The following GRIN2A variants were observed in gnomAD, a reference collection of about 807,000 sequenced individuals.
GRIN2A encodes the protein glutamate ionotropic receptor NMDA type subunit 2A, also known as glutamate receptor ionotropic, NMDA 2A.
Under a neutral mutation model 113.4 loss-of-function variants are expected in GRIN2A, and 22 were observed. The observed-to-expected ratio is 0.19, with a 90% CI of 0.14 to 0.28. The LOEUF (loss-of-function observed/expected upper bound fraction) is 0.28. GRIN2A is among the 10% of genes least tolerant of loss of function. The pLI is 1.00. For missense variants in GRIN2A, 1,502 were observed against 1,887.0 expected (o/e 0.80, Z 3.78); for synonymous variants, 827 against 738.4 (o/e 1.12, Z -1.94).
chr16:10,173,028 C>T (rs1048402064), intron 2 of GRIN2A, among the ~76,000 whole-genome samples: 13 of 152,314 alleles, frequency 8.5e-5, no homozygotes, highest in Middle Eastern at 3.4e-3. Flanking sequence ...CACCAGACCA[C>T]AGCTCTTCAG....
chr16:10,123,353 G>A (rs978817025), intron 2 of GRIN2A, among the ~76,000 whole-genome samples: 1 of 151,960 alleles, frequency 6.6e-6, no homozygotes, highest in Non-Finnish European at 1.5e-5. Context: ...TTAAAGCCTT[G>A]GATCAACTAT....
intron 2 of GRIN2A, among the ~76,000 whole-genome samples, chr16:9,994,295 T>A (rs2046181481): frequency 6.6e-6 from 1 of 152,134 alleles, no homozygotes; most frequent in African/African-American, 2.4e-5. Context: ...TTTCAAGGGG[T>A]GACCTGGGTT....
At position 9,960,945 on chromosome 16, in the gene GRIN2A, T is replaced by G. The variant is rs557956266; in HGVS notation, c.415-22394A>C. Among the ~76,000 whole-genome samples, 8 of 152,304 alleles carry G rather than the reference T, an allele frequency of 5.3e-5. No homozygotes were observed. In the East Asian group the frequency reaches 1.5e-3, roughly 29 times the overall value. On this transcript the variant is annotated intron_variant, in intron 2 of 12. Transcript: ENST00000330684. ...CCAGCTGTAATTTTCTTAGTCTCAATTTCCTGAGTTATACACTTGAGCTAA... is the reference window on the plus strand; with the variant it reads ...CCAGCTGTAATTTTCTTAGTCTCAAGTTCCTGAGTTATACACTTGAGCTAA...
chr16:10,096,182 G>C (rs1481965895), intron 2 of GRIN2A, among the ~76,000 whole-genome samples: 1 of 152,164 alleles, frequency 6.6e-6, no homozygotes, highest in Admixed American at 6.5e-5. Flanking sequence ...TTCTATGTTT[G>C]TTTTTTAGGC....
Position 9,938,384 on chromosome 16 carries a change from G to A in GRIN2A, c.582C>T (p.Ser194=), listed in dbSNP as rs2044767721. Residue 194 remains serine, a synonymous_variant, in exon 3 of 13, where the codon AGC becomes AGT. Transcript: ENST00000330684. ...CATTCTGCATGTCCCAGCCCACAAA[G>A]CTGTTGTCCACTGTGGTCTTGACGA... The part of the protein sequence containing the change: ...ISFVKTTVDN[S]FVGWDMQNVI... 6.2e-7 allele frequency: 1 copy of A among 1,614,132 alleles called. No individual in the cohort carries two copies. The highest frequency in any genetic ancestry group is 8.5e-7 in the Non-Finnish European group (1 of 1,179,994).
chr16:10,154,523 A>G (rs2049649253), intron 2 of GRIN2A, among the ~76,000 whole-genome samples: 1 of 152,186 alleles, frequency 6.6e-6, no homozygotes, highest in South Asian at 2.1e-4. Context: ...TTGTTCCCCC[A>G]GCATCCTCAG....
intron 9 of GRIN2A, among the ~76,000 whole-genome samples, chr16:9,823,173 C>G (rs2042320248): frequency 6.6e-6 from 1 of 151,984 alleles, no homozygotes; most frequent in Non-Finnish European, 1.5e-5. Context: ...ATGATTCTGT[C>G]TGTCCACAGC....
chr16:10,161,723 TG>T (rs1274957926), intron 2 of GRIN2A, among the ~76,000 whole-genome samples: 1 of 152,204 alleles, frequency 6.6e-6, no homozygotes, highest in African/African-American at 2.4e-5. Context: ...GTCAAGCAGC[TG>T]GCAGGGTGGC....
chr16:10,051,801 C>T (rs948102987), intron 2 of GRIN2A, among the ~76,000 whole-genome samples: 3 of 152,148 alleles, frequency 2.0e-5, no homozygotes, highest in African/African-American at 4.8e-5. Context: ...CTGGCCAGAC[C>T]CTGCCTTCTC....
intron 11 of GRIN2A, among the ~76,000 whole-genome samples, chr16:9,773,358 G>A (rs1901398291): frequency 6.6e-6 from 1 of 152,182 alleles, no homozygotes; most frequent in African/African-American, 2.4e-5. Context: ...TTTAGGTAGG[G>A]TGAAGCATCA....
At chr16:10,111,421 C>G (rs1317864987) in intron 2 of GRIN2A, 1 of 544,698 alleles carries the variant, frequency 1.8e-6, no homozygotes, top group Non-Finnish European at 3.4e-6. Flanking sequence ...CGGCTACGTG[C>G]CCCAGGACTG....
intron 2 of GRIN2A, among the ~76,000 whole-genome samples, chr16:10,172,377 G>C (rs549009140): frequency 7.9e-5 from 12 of 152,360 alleles, no homozygotes; most frequent in African/African-American, 2.9e-4. Context: ...GATGGCAGCA[G>C]TGAACATGGC....
intron 2 of GRIN2A, among the ~76,000 whole-genome samples, chr16:9,989,162 A>C (rs1467905784): frequency 1.3e-5 from 2 of 152,210 alleles, no homozygotes; most frequent in African/African-American, 4.8e-5. Context: ...ATGCTACAGT[A>C]ACCCAAACAG....
chr16:9,860,194 G>T (rs547729402), intron 4 of GRIN2A, among the ~76,000 whole-genome samples: 1 of 151,866 alleles, frequency 6.6e-6, no homozygotes, highest in African/African-American at 2.4e-5. Context: ...GGTGGCTCGC[G>T]CCTGTAATCC....
Position 9,763,359 on chromosome 16 carries a change from C to T in GRIN2A, c.4185G>A (p.Ala1395=), listed in dbSNP as rs778429009. The change falls in exon 13 of 13, where the codon GCG becomes GCA. Residue 1395 remains alanine (A), a synonymous_variant. Coordinates refer to ENST00000330684, the MANE Select transcript of GRIN2A (RefSeq NM_001134407.3). The part of the protein sequence containing the change: ...DPYKHSLPSQ[A]VNDSYLRSSL... ...ACGACCGAAGATAGCTGTCATTCAC[C>T]GCCTGGGATGGCAACGAGTGTTTGT... The T allele has an allele frequency of 2.2e-5, 36 of 1,613,976 alleles. No individual in the cohort carries two copies. The highest frequency in any genetic ancestry group is 1.3e-4 in the South Asian group (12 of 91,082).
chr16:10,166,151 G>A (rs1463086879), intron 2 of GRIN2A, among the ~76,000 whole-genome samples: 1 of 152,194 alleles, frequency 6.6e-6, no homozygotes, highest in Non-Finnish European at 1.5e-5. Flanking sequence ...TAGGACAGCA[G>A]ACTAGCAAGA....
chr16:9,797,849 GATCAGCA>G (rs1903096203), intron 11 of GRIN2A, among the ~76,000 whole-genome samples: 1 of 152,106 alleles, frequency 6.6e-6, no homozygotes, highest in Non-Finnish European at 1.5e-5. Flanking sequence ...CTACCCATTA[GATCAGCA>G]AGCAGATTCC....
intron 2 of GRIN2A, among the ~76,000 whole-genome samples, chr16:9,986,716 G>A (rs1290813026): frequency 7.1e-6 from 1 of 141,194 alleles, no homozygotes; most frequent in African/African-American, 2.7e-5. Flanking sequence ...AATGAGCTGA[G>A]ATCACGCCAT....
intron 2 of GRIN2A, among the ~76,000 whole-genome samples, chr16:10,159,533 G>A (rs2049770103): frequency 6.6e-6 from 1 of 152,116 alleles, no homozygotes; most frequent in South Asian, 2.1e-4. Flanking sequence ...GGTCCCCCAA[G>A]CATGCAAAAG....
Sources: gnomAD v4.1 joint callset for allele counts (sites outside exome capture counted in the v4.1 genomes callset) on GRCh38, gnomAD v4.1.1 for gene constraint, MANE v1.5 for transcripts, NCBI Gene and HGNC (gene_info 2026-07-23, HGNC 2026-07-21) for gene names.